Variants in NFATC1 observed in about 807,000 individuals in gnomAD.
The protein encoded by NFATC1 is nuclear factor of activated T cells 1, also known as nuclear factor of activated T-cells, cytoplasmic 1.
Under a neutral mutation model 76.0 loss-of-function variants are expected in NFATC1, and 22 were observed. The ratio of observed to expected loss-of-function variants is 0.29; its 90% CI spans 0.21 to 0.41. NFATC1 has a LOEUF of 0.41. NFATC1 is among the 10% of genes least tolerant of loss of function. NFATC1 has a pLI of 1.00. For synonymous variants in NFATC1, 704 were observed against 613.1 expected (o/e 1.15, Z -2.19); for missense variants, 1,357 against 1,337.7 (o/e 1.01, Z -0.23).
intron 3 of NFATC1, among the ~76,000 whole-genome samples, chr18:79,447,243 C>T (rs1419290159): frequency 6.6e-6 from 1 of 152,258 alleles, no homozygotes; most frequent in Non-Finnish European, 1.5e-5. Flanking sequence ...CATCTTCCCT[C>T]TGCCCACTGA....
chr18:79,442,835 C>T (rs940170345), intron 3 of NFATC1, among the ~76,000 whole-genome samples: 10 of 152,270 alleles, frequency 6.6e-5, no homozygotes, highest in Admixed American at 5.2e-4. Flanking sequence ...TTTCTCCCCA[C>T]TCCCACCCAG....
At chr18:79,447,272 C>T (rs2087248428) in intron 3 of NFATC1, among the ~76,000 whole-genome samples, 1 of 152,240 alleles carries the variant, frequency 6.6e-6, no homozygotes, top group Admixed American at 6.5e-5. Flanking sequence ...AATCCGCCGT[C>T]CCCTGGCCCG....
chr18:79,428,552 T>A (rs2086478212), intron 2 of NFATC1, among the ~76,000 whole-genome samples: 1 of 152,244 alleles, frequency 6.6e-6, no homozygotes, highest in Non-Finnish European at 1.5e-5. Context: ...ATGTTTGCGT[T>A]GCCAGCGTTT....
At chr18:79,495,232 C>T (rs1040400881) in intron 9 of NFATC1, among the ~76,000 whole-genome samples, 2 of 152,206 alleles carry the variant, frequency 1.3e-5, no homozygotes, top group African/African-American at 4.8e-5. Flanking sequence ...GAGGTGGGCA[C>T]GGGAGAAAGG....
At chr18:79,398,844 G>A (rs1364899660) in intron 1 of NFATC1, among the ~76,000 whole-genome samples, 4 of 152,324 alleles carry the variant, frequency 2.6e-5, no homozygotes, top group Admixed American at 2.0e-4. Flanking sequence ...CGAGGCAAGC[G>A]GATCACGAGG....
intron 9 of NFATC1, among the ~76,000 whole-genome samples, chr18:79,525,018 TACCCCTCA>T (rs2090721315): frequency 8.0e-6 from 1 of 124,826 alleles, no homozygotes; most frequent in Admixed American, 7.7e-5. Flanking sequence ...CCATCATTAC[TACCCCTCA>T]GGCCTCCCCA....
chr18:79,527,461 G>A (rs2090799255), intron 9 of NFATC1, 67 bp from the exon 10 acceptor site: 2 of 1,330,930 alleles, frequency 1.5e-6, no homozygotes, highest in Non-Finnish European at 2.2e-6. Flanking sequence ...GAGAAGCAGG[G>A]CTGGGGGCGT....
intron 9 of NFATC1, among the ~76,000 whole-genome samples, chr18:79,495,240 A>G (rs2089846508): frequency 1.3e-5 from 2 of 152,224 alleles, no homozygotes; most frequent in African/African-American, 4.8e-5. Context: ...CACGGGAGAA[A>G]GGAGAGGTGC....
chr18:79,425,241 GTC>G (rs1272438614), intron 2 of NFATC1, among the ~76,000 whole-genome samples: 4 of 151,046 alleles, frequency 2.6e-5, no homozygotes, highest in South Asian at 2.1e-4. Flanking sequence ...CCCTGTCTCT[GTC>G]TCTCTGTTTC....
chr18:79,451,167 C>G, intron 5 of NFATC1, 41 bp downstream of exon 5: 1 of 1,580,722 alleles, frequency 6.3e-7, no homozygotes, highest in Non-Finnish European at 8.6e-7. Context: ...GGAAACCGTC[C>G]CGTCACATGC....
intron 9 of NFATC1, among the ~76,000 whole-genome samples, chr18:79,522,509 G>GT (rs1489437017): frequency 1.1e-4 from 12 of 108,716 alleles, no homozygotes; most frequent in East Asian, 3.0e-4. Flanking sequence ...TGTTTTGTGT[G>GT]GGGGGGGTGC....
chr18:79,416,813 G>C (rs2085892644), intron 2 of NFATC1, among the ~76,000 whole-genome samples: 1 of 152,198 alleles, frequency 6.6e-6, no homozygotes. Flanking sequence ...GCTAACCCTT[G>C]CTGGGGAGTC....
chr18:79,464,684 A>G lies in NFATC1; in HGVS notation c.1960-2766A>G, dbSNP rs865831614. ...TGTGTGTGTGTGTATATGTATGTGT[A>G]TATATATATATTTATTTATTTATTT... On this transcript the variant is annotated intron_variant, in intron 7 of 9. Transcript: ENST00000427363. Among the ~76,000 whole-genome samples, 535 of 86,408 alleles carry G rather than the reference A, an allele frequency of 6.2e-3. 22 individuals carry two copies. Among genetic ancestry groups the G allele is most frequent in the African/African-American group, 0.03 (473 of 15,526 alleles). The allele number at this position is 86,408 out of a possible 152,430, so 56.7% of individuals were successfully genotyped here.
chr18:79,426,937 C>T (rs949930600), intron 2 of NFATC1, among the ~76,000 whole-genome samples: 1 of 152,258 alleles, frequency 6.6e-6, no homozygotes, highest in African/African-American at 2.4e-5. Flanking sequence ...CAGGGAAGCT[C>T]TGCAGGAGCT....
chr18:79,427,219 C>T (rs982579905), intron 2 of NFATC1, among the ~76,000 whole-genome samples: 4 of 152,208 alleles, frequency 2.6e-5, no homozygotes, highest in African/African-American at 9.6e-5. Context: ...TCAAGACCCA[C>T]GTCCCATTGT....
chr18:79,501,562 C>T (rs1362478029), intron 9 of NFATC1, among the ~76,000 whole-genome samples: 4 of 151,958 alleles, frequency 2.6e-5, no homozygotes, highest in African/African-American at 9.7e-5. Context: ...TGGAAGAAAA[C>T]GTGATTCTAT....
chr18:79,407,696 C>T lies in NFATC1; in HGVS notation c.128-2707C>T, dbSNP rs566738806. Reference sequence around the variant, plus strand: ...CTGACCTCAGATGATCCGCCCACCTCGGCCTCCCAAAGTGCTGGGATTATA... The same window carrying T: ...CTGACCTCAGATGATCCGCCCACCTTGGCCTCCCAAAGTGCTGGGATTATA... On this transcript the variant is annotated intron_variant, in intron 1 of 9. Coordinates refer to ENST00000427363, the MANE Select transcript of NFATC1 (RefSeq NM_001278669.2). Among the ~76,000 whole-genome samples the T allele has an allele frequency of 2.6e-4, 39 of 152,338 alleles. No individual in the cohort carries two copies. In the East Asian group the frequency reaches 3.1e-3, roughly 12 times the overall value.
intron 9 of NFATC1, among the ~76,000 whole-genome samples, chr18:79,490,107 C>G (rs391628): frequency 0.52 from 79,339 of 152,160 alleles, 22,533 homozygotes; most frequent in Middle Eastern, 0.67. Flanking sequence ...CCCCCGCCCC[C>G]CCGTGGGCAG....
chr18:79,400,325 C>G (rs1600573058), intron 1 of NFATC1: 1 of 1,324,584 alleles, frequency 7.5e-7, no homozygotes, highest in South Asian at 1.7e-5. Context: ...GCGCGGGCAG[C>G]GCCGGGAGAA....
Sources: gnomAD v4.1 joint callset for allele counts (sites outside exome capture counted in the v4.1 genomes callset) on GRCh38, gnomAD v4.1.1 for gene constraint, MANE v1.5 for transcripts, NCBI Gene and HGNC (gene_info 2026-07-23, HGNC 2026-07-21) for gene names.